The following DOCK5 variants were observed in gnomAD, a reference collection of about 807,000 sequenced individuals.
DOCK5 encodes the protein dedicator of cytokinesis 5.
A neutral mutation model predicts 251.8 loss-of-function variants in DOCK5; 142 were observed. The ratio of observed to expected loss-of-function variants is 0.56; its 90% CI spans 0.49 to 0.65. The LOEUF (loss-of-function observed/expected upper bound fraction) is 0.65. Among genes scored for constraint, DOCK5 ranks in the 30% least tolerant of loss-of-function variants. DOCK5 has a pLI of 0.00. For missense variants in DOCK5, 2,111 were observed against 2,312.3 expected (o/e 0.91, Z 1.79); for synonymous variants, 842 against 835.5 (o/e 1.01, Z -0.13).
At chr8:25,373,503 G>T in intron 35 of DOCK5, 115 bp from the exon 36 acceptor site, 2 of 960,014 alleles carry the variant, frequency 2.1e-6, no homozygotes, top group Non-Finnish European at 1.6e-6. Context: ...AAGGGAAACA[G>T]TGATCTCTTT....
At chr8:25,367,846 C>T (rs1800805454) in intron 31 of DOCK5, among the ~76,000 whole-genome samples, 1 of 152,178 alleles carries the variant, frequency 6.6e-6, no homozygotes, top group South Asian at 2.1e-4. Flanking sequence ...GCATTAGTCA[C>T]AGTACTGTAT....
intron 1 of DOCK5, among the ~76,000 whole-genome samples, chr8:25,233,483 A>G (rs1347691893): frequency 6.6e-6 from 1 of 152,216 alleles, no homozygotes; most frequent in Non-Finnish European, 1.5e-5. Context: ...TGATGCTGAA[A>G]GATCTTGGTT....
chr8:25,408,979 G>A (rs1801571382), intron 50 of DOCK5, 39 bp downstream of exon 50: 1 of 1,613,500 alleles, frequency 6.2e-7, no homozygotes, highest in Non-Finnish European at 8.5e-7. Flanking sequence ...TTTTACTAGG[G>A]AATGGAGTAT....
chr8:25,397,700 A>G (rs1801369861), intron 45 of DOCK5, among the ~76,000 whole-genome samples: 1 of 152,222 alleles, frequency 6.6e-6, no homozygotes, highest in Non-Finnish European at 1.5e-5. Context: ...TTTTCCAAGT[A>G]TTAATTTTTA....
At chr8:25,329,201 A>T (rs1435081361) in intron 18 of DOCK5, among the ~76,000 whole-genome samples, 2 of 152,060 alleles carry the variant, frequency 1.3e-5, no homozygotes, top group African/African-American at 4.8e-5. Flanking sequence ...GCTTCTCTTT[A>T]TAGTTTTGCC....
At chr8:25,389,563 G>A (rs747287189) in intron 41 of DOCK5, among the ~76,000 whole-genome samples, 15 of 152,124 alleles carry the variant, frequency 9.9e-5, no homozygotes, top group Admixed American at 6.5e-4. Flanking sequence ...TGTCCTGGTG[G>A]GTTGGGGAGC....
intron 38 of DOCK5, among the ~76,000 whole-genome samples, chr8:25,378,287 G>A (rs1342851818): frequency 6.6e-6 from 1 of 152,118 alleles, no homozygotes; most frequent in Non-Finnish European, 1.5e-5. Flanking sequence ...GAATAACAAA[G>A]ACACTCTTAT....
Position 25,340,998 on chromosome 8 carries a change from G to A in DOCK5, c.2439+10G>A. On this transcript the variant is annotated intron_variant, in intron 23 of 51. Coordinates refer to ENST00000276440, the MANE Select transcript of DOCK5 (RefSeq NM_024940.8). ...AGCCGTCAAGATCAAGGTCAGCCTG[G>A]CAGCATCATGGGTAACTCTTCTTAG... is the stretch of plus-strand genomic sequence containing the variant. The A allele has an allele frequency of 6.2e-7, 1 of 1,600,538 alleles. No homozygotes were observed. Among genetic ancestry groups the A allele is most frequent in the Non-Finnish European group, 8.5e-7 (1 of 1,170,972 alleles).
rs1378564961 is a variant in DOCK5 at position 25,271,581 on chromosome 8, T to A, written c.168+2696T>A. Among the ~76,000 whole-genome samples the A allele has an allele frequency of 2.6e-5, 4 of 152,302 alleles. No homozygotes were observed. In the East Asian group the frequency reaches 7.7e-4, roughly 29 times the overall value. On this transcript the variant is annotated intron_variant, in intron 3 of 51. Coordinates refer to ENST00000276440, the MANE Select transcript of DOCK5 (RefSeq NM_024940.8). ...GTCATTTATAAGCTGACCCAGCCAT[T>A]TAGAGTGATGATAAAAGGAGCTAGT...
intron 2 of DOCK5, among the ~76,000 whole-genome samples, chr8:25,249,431 A>C (rs547823455): frequency 6.6e-6 from 1 of 152,190 alleles, no homozygotes; most frequent in Non-Finnish European, 1.5e-5. Flanking sequence ...AAATATCATC[A>C]CTATCTACTT....
intron 14 of DOCK5, among the ~76,000 whole-genome samples, chr8:25,318,894 A>G (rs1805344039): frequency 6.6e-6 from 1 of 152,154 alleles, no homozygotes; most frequent in Non-Finnish European, 1.5e-5. Flanking sequence ...ATAATCTATT[A>G]AGGAAGCAGA....
intron 2 of DOCK5, among the ~76,000 whole-genome samples, chr8:25,250,811 G>A (rs1803248673): frequency 2.0e-5 from 3 of 152,216 alleles, no homozygotes. Context: ...GCCAGAGGTG[G>A]AGGACAGCGA....
intron 16 of DOCK5, among the ~76,000 whole-genome samples, chr8:25,321,549 T>C (rs1484478423): frequency 6.6e-6 from 1 of 152,178 alleles, no homozygotes; most frequent in African/African-American, 2.4e-5. Flanking sequence ...ACAAGGAATG[T>C]GCAACCTAGA....
chr8:25,389,350 A>T, intron 41 of DOCK5, 118 bp downstream of exon 41: 1 of 1,305,748 alleles, frequency 7.7e-7, no homozygotes, highest in South Asian at 1.6e-5. Flanking sequence ...CTTCTCAAGC[A>T]TTCTGACACA....
At chr8:25,230,918 A>G (rs1802651882) in intron 1 of DOCK5, among the ~76,000 whole-genome samples, 1 of 152,282 alleles carries the variant, frequency 6.6e-6, no homozygotes, top group Non-Finnish European at 1.5e-5. Flanking sequence ...CAGTAGCAAA[A>G]GTACCTACAT....
intron 5 of DOCK5, among the ~76,000 whole-genome samples, chr8:25,279,679 A>G (rs1164977630): frequency 6.6e-6 from 1 of 151,918 alleles, no homozygotes; most frequent in Non-Finnish European, 1.5e-5. Context: ...GTGCAGTGAC[A>G]CCATCTCAGC....
In DOCK5 at chr8:25,298,971, G is replaced by T; in HGVS notation, c.634G>T (p.Gly212Cys). ...AATCCTGCAGAACCTCGATTTGCGG[G>T]GCCAGTCCATCTTCAGTACCATCCA... ...KSILQNLDLR[G>C]QSIFSTIHTY... The change falls in exon 8 of 52, where the codon GGC (glycine) becomes TGC (cysteine). Residue 212 changes from glycine to cysteine, a missense_variant. Around this residue, in one of 3 missense-constraint regions of DOCK5, gnomAD observed 335 missense variants for 324.9 expected, o/e 1.03. Transcript: ENST00000276440. 1.9e-6 allele frequency: 3 copies of T among 1,612,540 alleles called. No individual in the cohort carries two copies. The highest frequency in any genetic ancestry group is 2.7e-5 in the African/African-American group (2 of 74,868).
rs898893821 is a variant in DOCK5 at position 25,358,173 on chromosome 8, A to G, written c.2851-790A>G. Among the ~76,000 whole-genome samples the G allele has an allele frequency of 2.0e-5, 3 of 152,176 alleles. No homozygotes were observed. The South Asian group carries it at 6.2e-4, about 31-fold the overall frequency. ...AGTTTATAAATTGGGTAGTTTATAG[A>G]GGAAAGAGGTTTAATTGACTCACAG... On this transcript the variant is annotated intron_variant, in intron 27 of 51. Transcript: ENST00000276440.
intron 2 of DOCK5, among the ~76,000 whole-genome samples, chr8:25,258,128 C>T (rs543939178): frequency 2.6e-5 from 4 of 152,158 alleles, no homozygotes; most frequent in African/African-American, 9.6e-5. Context: ...TCTGTGAAGG[C>T]ACAGAGGGAG....
Sources: allele counts gnomAD v4.1 joint callset (sites outside exome capture counted in the v4.1 genomes callset), GRCh38; gene constraint gnomAD v4.1.1; regional missense constraint gnomAD v4.1.1; transcripts MANE v1.5; gene names NCBI Gene and HGNC (gene_info 2026-07-23, HGNC 2026-07-21).